SPEN: variants seen among roughly 807,000 people sequenced by gnomAD.
SPEN encodes the protein msx2-interacting protein.
In SPEN, 18 loss-of-function variants were observed where a neutral mutation model predicts 269.9. That is an observed-to-expected ratio of 0.07 (90% CI 0.05 to 0.10). The LOEUF (loss-of-function observed/expected upper bound fraction) is 0.10. Among genes scored for constraint, SPEN ranks in the 10% least tolerant of loss-of-function variants. The probability of loss-of-function intolerance (pLI) is 1.00; values close to 1 mark genes in which losing one functional copy is unlikely to be tolerated. For missense variants in SPEN, 3,822 were observed against 4,631.2 expected (o/e 0.83, Z 5.07); for synonymous variants, 1,726 against 1,765.7 (o/e 0.98, Z 0.56).
rs780023631 is a variant in SPEN at position 15,933,258 on chromosome 1, C to T, written c.7018C>T (p.Arg2340Cys). The change falls in exon 11 of 15, where the codon CGC (arginine) becomes TGC (cysteine). Residue 2340 changes from arginine to cysteine, a missense_variant. Around this residue, in one of 16 missense-constraint regions of SPEN, gnomAD observed 727 missense variants for 737.9 expected, o/e 0.99. Coordinates refer to ENST00000375759, the MANE Select transcript of SPEN (RefSeq NM_015001.3). This position sits in a 1 kb window ranked among gnomAD's most constrained non-coding sequence, Gnocchi z 5.7. ...KGRQKTTRSR[R>C]KRNTNKKVVA... ...GCGCCAGAAAACAACCCGATCACGC[C>T]GCAAGCGAAACACAAACAAGAAAGT... 1.2e-5 allele frequency: 20 copies of T among 1,613,984 alleles called. No homozygotes were observed. In the South Asian group the frequency reaches 1.4e-4, roughly 12 times the overall value.
At chr1:15,885,623 G>C (rs1169248606) in intron 3 of SPEN, among the ~76,000 whole-genome samples, 1 of 152,138 alleles carries the variant, frequency 6.6e-6, no homozygotes, top group East Asian at 1.9e-4. Context: ...AGAACAGCAG[G>C]CATATTAGTG....
Position 15,937,051 on chromosome 1 carries a change from G to A in SPEN, c.10027-112G>A, listed in dbSNP as rs1035912241. 6 of 1,460,990 alleles carry A rather than the reference G, an allele frequency of 4.1e-6. No homozygotes were observed. Among genetic ancestry groups the A allele is most frequent in the Admixed American group, 2.2e-5 (1 of 46,056 alleles). 90.5% of individuals were successfully genotyped at this position (1,460,990 alleles called of 1,614,324 possible). ...GCTCCTTCTGTGGGCCTGACTTAACGGGAGATGCCACATCTTATCCTTTCC... is the reference window on the plus strand; with the variant it reads ...GCTCCTTCTGTGGGCCTGACTTAACAGGAGATGCCACATCTTATCCTTTCC... On this transcript the variant is annotated intron_variant, in intron 11 of 14. Coordinates refer to ENST00000375759, the MANE Select transcript of SPEN (RefSeq NM_015001.3). This position sits in a 1 kb window ranked among gnomAD's most constrained non-coding sequence, Gnocchi z 5.7.
intron 10 of SPEN, among the ~76,000 whole-genome samples, chr1:15,925,953 T>A (rs903592523): frequency 6.6e-6 from 1 of 152,216 alleles, no homozygotes; most frequent in Non-Finnish European, 1.5e-5. Context: ...CCATGCCTAG[T>A]AACAGTTATT....
rs781437329 is a variant in SPEN, at chr1:15,937,579, C to A, written c.10443C>A (p.Ala3481=). Residue 3481 remains alanine, a synonymous_variant, in exon 12 of 15, where the codon GCC becomes GCA. Coordinates refer to ENST00000375759, the MANE Select transcript of SPEN (RefSeq NM_015001.3). This position sits in a 1 kb window ranked among gnomAD's most constrained non-coding sequence, Gnocchi z 5.7. ...TGCCACACACTGAATTCCAGCCAGC[C>A]CCCAAACAAGATTCCTCTCCACACC... ...LVLPHTEFQP[A]PKQDSSPHLT... 2.5e-6 allele frequency: 4 copies of A among 1,614,100 alleles called. No individual in the cohort carries two copies. The highest frequency in any genetic ancestry group is 3.4e-6 in the Non-Finnish European group (4 of 1,180,058).
chr1:15,903,702 G>A (rs983396595), intron 3 of SPEN, among the ~76,000 whole-genome samples: 4 of 152,146 alleles, frequency 2.6e-5, no homozygotes, highest in African/African-American at 7.2e-5. Context: ...CATGTCATGT[G>A]CATGCTGGTC....
Position 15,932,829 on chromosome 1 carries a change from G to A in SPEN, c.6589G>A (p.Gly2197Ser). 1.9e-6 allele frequency: 3 copies of A among 1,614,184 alleles called. No homozygotes were observed. The highest frequency in any genetic ancestry group is 1.7e-6 in the Non-Finnish European group (2 of 1,180,024). Residue 2197 changes from glycine (G) to serine (S), a missense_variant, in exon 11 of 15, where the codon GGC becomes AGC. Coordinates refer to ENST00000375759, the MANE Select transcript of SPEN (RefSeq NM_015001.3). The surrounding 1 kb of genome is among the most constrained non-coding windows in gnomAD (Gnocchi z 4.2). ...TGCCTATAAGGCAGATGCACCAGAGGGCCTTGCCCCAGAGGACAGGGACAA... is the reference window on the plus strand; with the variant it reads ...TGCCTATAAGGCAGATGCACCAGAGAGCCTTGCCCCAGAGGACAGGGACAA... ...SAAYKADAPEGLAPEDRDKPA... is the reference protein window; with the variant it reads ...SAAYKADAPESLAPEDRDKPA...
Position 15,931,076 on chromosome 1 carries a change from T to C in SPEN, c.4836T>C (p.Asp1612=), listed in dbSNP as rs767385231. 6.2e-7 allele frequency: 1 copy of C among 1,613,878 alleles called. No individual in the cohort carries two copies. The highest frequency in any genetic ancestry group is 2.2e-5 in the East Asian group (1 of 44,876). Residue 1612 remains aspartate (D), a synonymous_variant, in exon 11 of 15, where the codon GAT becomes GAC. Transcript: ENST00000375759. The surrounding 1 kb of genome is among the most constrained non-coding windows in gnomAD (Gnocchi z 4.8). The part of the protein sequence containing the change: ...QKPKEVEKQE[D]TENHPKTPES... ...CCAAAGAGGTTGAGAAACAGGAAGA[T>C]ACAGAGAATCATCCCAAGACCCCAG...
chr1:15,876,920 A>T (rs926286608), intron 3 of SPEN, among the ~76,000 whole-genome samples: 2 of 152,246 alleles, frequency 1.3e-5, no homozygotes, highest in African/African-American at 4.8e-5. Context: ...TTAAATGATC[A>T]AAGTGGAAGG....
In SPEN at chr1:15,933,340, C is replaced by G. The variant is rs777458971; in HGVS notation, c.7100C>G (p.Pro2367Arg). 6.2e-7 allele frequency: 1 copy of G among 1,613,992 alleles called. No homozygotes were observed. The highest frequency in any genetic ancestry group is 8.5e-7 in the Non-Finnish European group (1 of 1,180,026). Residue 2367 changes from proline (P) to arginine (R), a missense_variant, in exon 11 of 15, where the codon CCT (proline) becomes CGT (arginine). This residue lies in a region of SPEN where 727 missense variants were observed against 737.9 expected (regional missense o/e 0.99). Coordinates refer to ENST00000375759, the MANE Select transcript of SPEN (RefSeq NM_015001.3). This position sits in a 1 kb window ranked among gnomAD's most constrained non-coding sequence, Gnocchi z 5.7. ...TCCAACCAAGCTCAAGGTGAGAGTC[C>G]TGCTGCAAATGAGGGGACAACAGTA... ...PESNQAQGES[P>R]AANEGTTVQH...
chr1:15,929,625 G>A lies in SPEN; in HGVS notation c.3385G>A (p.Val1129Ile), dbSNP rs759801779. The A allele has an allele frequency of 2.3e-5, 37 of 1,613,956 alleles. No homozygotes were observed. In the African/African-American group the frequency reaches 3.6e-4, roughly 16 times the overall value. The part of the protein sequence containing the change: ...LDDQGPERED[V>I]RKNYCSLRDE... The stretch of plus-strand genomic sequence containing the variant: ...TGATCAAGGACCAGAGAGAGAAGAC[G>A]TTAGGAAAAACTATTGCAGTCTTCG... Residue 1129 changes from valine (V) to isoleucine (I), a missense_variant, in exon 11 of 15, where the codon GTT becomes ATT. Val to Ile is a conservative substitution (Grantham distance 29). Coordinates refer to ENST00000375759, the MANE Select transcript of SPEN (RefSeq NM_015001.3). The surrounding 1 kb of genome is among the most constrained non-coding windows in gnomAD (Gnocchi z 5.8).
rs72882580 is a variant in SPEN, at chr1:15,861,505, A to C, written c.84-11311A>C. Among the ~76,000 whole-genome samples the C allele has an allele frequency of 7.2e-3, 1,096 of 152,278 alleles. 24 individuals are homozygous for C. The highest frequency in any genetic ancestry group is 0.025 in the African/African-American group (1,039 of 41,570). On this transcript the variant is annotated intron_variant, in intron 1 of 14. Coordinates refer to ENST00000375759, the MANE Select transcript of SPEN (RefSeq NM_015001.3). ...TTAGAAATATTTGTATATTTCCCATAGTTTTAAAAAATTATTATTTTACTG... is the reference window on the plus strand; with the variant it reads ...TTAGAAATATTTGTATATTTCCCATCGTTTTAAAAAATTATTATTTTACTG...
chr1:15,935,847 G>A lies in SPEN; in HGVS notation c.9607G>A (p.Val3203Met). 1.2e-6 allele frequency: 2 copies of A among 1,613,802 alleles called. No individual in the cohort carries two copies. The highest frequency in any genetic ancestry group is 1.7e-5 in the Admixed American group (1 of 60,020). The change falls in exon 11 of 15, where the codon GTG becomes ATG. Residue 3203 changes from valine (V) to methionine (M), a missense_variant. Physicochemically the swap from Val to Met is conservative, Grantham distance 21. Transcript: ENST00000375759. This position sits in a 1 kb window ranked among gnomAD's most constrained non-coding sequence, Gnocchi z 7.7. ...TGTGAGGATCATGGTGCATCCACAT[G>A]TGACGGCAGTCAGCGAGCAGCCCAG... Reference protein sequence around the residue: ...RDVRIMVHPHVTAVSEQPRAA... With the variant: ...RDVRIMVHPHMTAVSEQPRAA...
At chr1:15,902,082 C>T (rs540196737) in intron 3 of SPEN, among the ~76,000 whole-genome samples, 57 of 151,938 alleles carry the variant, frequency 3.8e-4, no homozygotes, top group Non-Finnish European at 6.8e-4. Flanking sequence ...GCATGTGCCA[C>T]CACGCCCCGC....
chr1:15,929,142 C>G lies in SPEN; in HGVS notation c.2902C>G (p.Gln968Glu). 3 of 1,614,206 alleles carry G rather than the reference C, an allele frequency of 1.9e-6. No homozygotes were observed. Among genetic ancestry groups the G allele is most frequent in the Non-Finnish European group, 2.5e-6 (3 of 1,180,024 alleles). Residue 968 changes from glutamine (Q) to glutamate (E), a missense_variant, in exon 11 of 15, where the codon CAG becomes GAG. Gln to Glu is a conservative substitution (Grantham distance 29). Around this residue, in one of 16 missense-constraint regions of SPEN, gnomAD observed 572 missense variants for 582.6 expected, o/e 0.98. Transcript: ENST00000375759. This position sits in a 1 kb window ranked among gnomAD's most constrained non-coding sequence, Gnocchi z 5.8. ...LKARKHLKPEQPADGVSAVDL... is the reference protein window; with the variant it reads ...LKARKHLKPEEPADGVSAVDL... ...AGCCAGGAAGCACCTCAAGCCTGAG[C>G]AGCCTGCAGATGGGGTAAGTGCTGT...
At position 15,873,053 on chromosome 1, in the gene SPEN, C is replaced by T. The variant is rs1173538746; in HGVS notation, c.321C>T (p.Phe107=). 5 of 1,614,104 alleles carry T rather than the reference C, an allele frequency of 3.1e-6. No individual in the cohort carries two copies. The highest frequency in any genetic ancestry group is 2.2e-5 in the East Asian group (1 of 44,882). Reference sequence around the variant, plus strand: ...CTCGTAGTAGAGAGGTTTCTGGGTTCAGAGGAGGTGGTGGAGGGCCTGCTT... The same window carrying T: ...CTCGTAGTAGAGAGGTTTCTGGGTTTAGAGGAGGTGGTGGAGGGCCTGCTT... The part of the protein sequence containing the change: ...IASRSREVSG[F]RGGGGGPAYG... The change falls in exon 2 of 15, where the codon TTC becomes TTT. Residue 107 remains phenylalanine (F), a synonymous_variant. Transcript: ENST00000375759.
At chr1:15,921,186 G>A (rs848202) in intron 9 of SPEN, among the ~76,000 whole-genome samples, 16,150 of 152,170 alleles carry the variant, frequency 0.11, 1,239 homozygotes, top group Admixed American at 0.23. Flanking sequence ...AAAATTAGCC[G>A]GGCTTGGTGG....
chr1:15,856,565 CTTTT>C (rs34812900), intron 1 of SPEN, among the ~76,000 whole-genome samples: 3 of 102,476 alleles, frequency 2.9e-5, no homozygotes, highest in African/African-American at 3.4e-5. Flanking sequence ...CTGCCAGATA[CTTTT>C]TTTTTTTTTT....
rs1165648538 is a variant in SPEN at position 15,928,334 on chromosome 1, G to T, written c.2094G>T (p.Arg698Ser). ...YEQDIREYSY[R>S]QRERERERER... Reference sequence around the variant, plus strand: ...AAGATATTAGGGAATATAGTTACAGGCAAAGGGAACGAGAAAGAGAACGTG... The same window carrying T: ...AAGATATTAGGGAATATAGTTACAGTCAAAGGGAACGAGAAAGAGAACGTG... The change falls in exon 11 of 15, where the codon AGG (arginine) becomes AGT (serine). Residue 698 changes from arginine (R) to serine (S), a missense_variant. Coordinates refer to ENST00000375759, the MANE Select transcript of SPEN (RefSeq NM_015001.3). This position sits in a 1 kb window ranked among gnomAD's most constrained non-coding sequence, Gnocchi z 5.7. 4.3e-6 allele frequency: 7 copies of T among 1,614,192 alleles called. No individual in the cohort carries two copies. The Admixed American group carries it at 6.7e-5, about 15-fold the overall frequency.
At chr1:15,869,749 C>T (rs536765583) in intron 1 of SPEN, among the ~76,000 whole-genome samples, 3 of 152,118 alleles carry the variant, frequency 2.0e-5, no homozygotes, top group South Asian at 2.1e-4. Context: ...CACCACGTGG[C>T]GTGTTGTCTC....
Sources: allele counts gnomAD v4.1 joint callset (sites outside exome capture counted in the v4.1 genomes callset), GRCh38; gene constraint gnomAD v4.1.1; regional missense constraint gnomAD v4.1.1; non-coding constraint Gnocchi (gnomAD v3.1); transcripts MANE v1.5; gene names NCBI Gene and HGNC (gene_info 2026-07-23, HGNC 2026-07-21).